Variants in ZFHX4 observed in about 807,000 individuals in gnomAD.
ZFHX4 encodes the protein zinc finger homeobox 4.
Under a neutral mutation model 267.6 loss-of-function variants are expected in ZFHX4, and 56 were observed. That is an observed-to-expected ratio of 0.21 (90% CI 0.17 to 0.26). ZFHX4 has a LOEUF of 0.26. Among genes scored for constraint, ZFHX4 ranks in the 10% least tolerant of loss-of-function variants. The pLI, the probability that ZFHX4 is intolerant of heterozygous loss-of-function variation, is 1.00. For missense variants in ZFHX4, 4,332 were observed against 4,420.0 expected (o/e 0.98, Z 0.56); for synonymous variants, 1,778 against 1,665.6 (o/e 1.07, Z -1.64).
Position 76,851,677 on chromosome 8 carries a change from A to G in ZFHX4, c.4756A>G (p.Ser1586Gly). 6.2e-7 allele frequency: 1 copy of G among 1,613,960 alleles called. No individual in the cohort carries two copies. Among genetic ancestry groups the G allele is most frequent in the Non-Finnish European group, 8.5e-7 (1 of 1,179,866 alleles). The part of the protein sequence containing the change: ...ASSPVPQETN[S>G]NTDNKPYKCS... The stretch of plus-strand genomic sequence containing the variant: ...CAGTCCTGTCCCACAAGAAACCAAC[A>G]GCAACACAGATAACAAACCCTACAA... Residue 1586 changes from serine to glycine, a missense_variant, in exon 10 of 11, where the codon AGC becomes GGC. Ser to Gly is a moderately conservative substitution (Grantham distance 56). This residue lies in a region of ZFHX4 where 1,371 missense variants were observed against 1,423.1 expected (regional missense o/e 0.96). Coordinates refer to ENST00000651372, the MANE Select transcript of ZFHX4 (RefSeq NM_024721.5).
intron 1 of ZFHX4, among the ~76,000 whole-genome samples, chr8:76,696,931 C>A (rs1255684721): frequency 6.6e-6 from 1 of 151,904 alleles, no homozygotes; most frequent in African/African-American, 2.4e-5. Flanking sequence ...ATATAACTTT[C>A]TTGAGTGAAA....
rs1219565964 is a variant in ZFHX4 at position 76,706,473 on chromosome 8, G to T, written c.2385G>T (p.Met795Ile). 1 of 1,614,054 alleles carries T rather than the reference G, an allele frequency of 6.2e-7. No individual in the cohort carries two copies. Among genetic ancestry groups the T allele is most frequent in the South Asian group, 1.1e-5 (1 of 91,060 alleles). The change falls in exon 2 of 11, where the codon ATG (methionine) becomes ATT (isoleucine). Residue 795 changes from methionine to isoleucine, a missense_variant. Physicochemically the swap from Met to Ile is conservative, Grantham distance 10. Coordinates refer to ENST00000651372, the MANE Select transcript of ZFHX4 (RefSeq NM_024721.5). ...HMTSEKHMHN[M>I]MLLQQNMKQI... ...CCAGCGAAAAGCACATGCATAATAT[G>T]ATGCTTTTGCAGCAGAACATGAAGC...
intron 4 of ZFHX4, among the ~76,000 whole-genome samples, chr8:76,793,352 TTTG>T (rs2131810206): frequency 6.6e-6 from 1 of 152,310 alleles, no homozygotes; most frequent in Admixed American, 6.5e-5. Flanking sequence ...GGTCTGTGCA[TTTG>T]TTGATTTATA....
chr8:76,757,429 C>G (rs1049667613), intron 3 of ZFHX4, among the ~76,000 whole-genome samples: 3 of 152,142 alleles, frequency 2.0e-5, no homozygotes, highest in African/African-American at 7.2e-5. Flanking sequence ...GTAGCTCCAC[C>G]ACAAAAGATC....
At chr8:76,756,468 C>T (rs73231797) in intron 3 of ZFHX4, among the ~76,000 whole-genome samples, 2,587 of 151,746 alleles carry the variant, frequency 0.017, 79 homozygotes, top group African/African-American at 0.057. Flanking sequence ...GAGGCTCATA[C>T]ATTGTAAAAG....
At chr8:76,770,848 T>A (rs1186338409) in intron 3 of ZFHX4, among the ~76,000 whole-genome samples, 1 of 152,084 alleles carries the variant, frequency 6.6e-6, no homozygotes, top group East Asian at 1.9e-4. Context: ...ACCTTACACT[T>A]GGAAGATCTA....
In ZFHX4 at chr8:76,705,501, T is replaced by C. The variant is rs775936557; in HGVS notation, c.1413T>C (p.Asp471=). 109 of 1,613,562 alleles carry C rather than the reference T, an allele frequency of 6.8e-5. No individual in the cohort carries two copies. The highest frequency in any genetic ancestry group is 9.1e-5 in the Non-Finnish European group (107 of 1,179,782). Residue 471 remains aspartate, a synonymous_variant, in exon 2 of 11, where the codon GAT becomes GAC. Coordinates refer to ENST00000651372, the MANE Select transcript of ZFHX4 (RefSeq NM_024721.5). Reference sequence around the variant, plus strand: ...AAAGTGAACCCACTGAACCGGGAGATGAGGATGAAGAAGATGCGTACTCCA... The same window carrying C: ...AAAGTGAACCCACTGAACCGGGAGACGAGGATGAAGAAGATGCGTACTCCA... The part of the protein sequence containing the change: ...PVKSEPTEPG[D]EDEEDAYSNE...
At chr8:76,713,651 C>T (rs1018328647) in intron 3 of ZFHX4, among the ~76,000 whole-genome samples, 2 of 152,158 alleles carry the variant, frequency 1.3e-5, no homozygotes, top group African/African-American at 4.8e-5. Flanking sequence ...CTATCTAATT[C>T]CCCACAGAAA....
At position 76,705,682 on chromosome 8, in the gene ZFHX4, G is replaced by T. The variant is rs758397904; in HGVS notation, c.1594G>T (p.Asp532Tyr). 6.2e-7 allele frequency: 1 copy of T among 1,613,980 alleles called. No individual in the cohort carries two copies. The highest frequency in any genetic ancestry group is 8.5e-7 in the Non-Finnish European group (1 of 1,179,898). ...TSSSSATVSD[D>Y]TEKKKQTAAV... The stretch of plus-strand genomic sequence containing the variant: ...GTCCTCCTCGGCGACTGTTTCTGAT[G>T]ACACAGAAAAGAAAAAACAGACTGC... The change falls in exon 2 of 11, where the codon GAC (aspartate) becomes TAC (tyrosine). Residue 532 changes from aspartate (D) to tyrosine (Y), a missense_variant. Asp to Tyr is a radical substitution (Grantham distance 160). This residue lies in a region of ZFHX4 where 1,195 missense variants were observed against 1,173.6 expected (regional missense o/e 1.02). Transcript: ENST00000651372.
At chr8:76,798,332 T>C (rs182060854) in intron 4 of ZFHX4, among the ~76,000 whole-genome samples, 308 of 152,304 alleles carry the variant, frequency 2.0e-3, no homozygotes, top group African/African-American at 7.0e-3. Context: ...CAAGTGAATT[T>C]GCTTGTAGCT....
intron 3 of ZFHX4, among the ~76,000 whole-genome samples, chr8:76,748,468 C>T (rs942018186): frequency 3.9e-5 from 6 of 152,158 alleles, no homozygotes; most frequent in East Asian, 1.9e-4. Flanking sequence ...GACAAGATCT[C>T]GCTGTCCTCA....
intron 3 of ZFHX4, among the ~76,000 whole-genome samples, chr8:76,742,186 T>C (rs188864902): frequency 6.6e-6 from 1 of 152,262 alleles, no homozygotes; most frequent in Non-Finnish European, 1.5e-5. Flanking sequence ...GGTGTAGATA[T>C]GCTTGTTGGG....
intron 4 of ZFHX4, among the ~76,000 whole-genome samples, chr8:76,806,464 A>T (rs2131836565): frequency 6.6e-6 from 1 of 152,192 alleles, no homozygotes; most frequent in East Asian, 1.9e-4. Flanking sequence ...ACACAGAAAA[A>T]ATATTAGCAA....
chr8:76,809,955 T>C (rs2131842684), intron 4 of ZFHX4, among the ~76,000 whole-genome samples: 1 of 152,314 alleles, frequency 6.6e-6, no homozygotes, highest in South Asian at 2.1e-4. Flanking sequence ...ATGCAAGTCC[T>C]ATCATTAAAC....
chr8:76,703,691 T>C (rs984570229), intron 1 of ZFHX4: 1 of 168,358 alleles, frequency 5.9e-6, no homozygotes, highest in South Asian at 1.6e-4. Context: ...GCTATTTACA[T>C]TCCTATTACT....
chr8:76,852,547 G>A lies in ZFHX4; in HGVS notation c.5626G>A (p.Gly1876Ser). Residue 1876 changes from glycine (G) to serine (S), a missense_variant, in exon 10 of 11, where the codon GGT (glycine) becomes AGT (serine). Physicochemically the swap from Gly to Ser is moderately conservative, Grantham distance 56. Around this residue, in one of 7 missense-constraint regions of ZFHX4, gnomAD observed 1,371 missense variants for 1,423.1 expected, o/e 0.96. Transcript: ENST00000651372. ...ACCAAAGCAGGAATTTATAAGTGAA[G>A]GTGAAGGACTCAAAGAAGGCAAAGA... Reference protein sequence around the residue: ...EKPKQEFISEGEGLKEGKDTK... With the variant: ...EKPKQEFISESEGLKEGKDTK... 6.2e-7 allele frequency: 1 copy of A among 1,610,768 alleles called. No individual in the cohort carries two copies.
Position 76,796,078 on chromosome 8 carries a change from G to T in ZFHX4, c.3325+17639G>T, listed in dbSNP as rs1810973471. Among the ~76,000 whole-genome samples, 3 of 152,108 alleles carry T rather than the reference G, an allele frequency of 2.0e-5. No homozygotes were observed. The South Asian group carries it at 6.2e-4, about 31-fold the overall frequency. On this transcript the variant is annotated intron_variant, in intron 4 of 10. Transcript: ENST00000651372. Reference sequence around the variant, plus strand: ...TATTAATTTATAGAAAGTATATTTGGGGATGGTTGTGGAATTGCCAAAGTC... The same window carrying T: ...TATTAATTTATAGAAAGTATATTTGTGGATGGTTGTGGAATTGCCAAAGTC...
chr8:76,812,244 T>C (rs1161152849), intron 4 of ZFHX4, among the ~76,000 whole-genome samples: 2 of 152,246 alleles, frequency 1.3e-5, no homozygotes, highest in Non-Finnish European at 2.9e-5. Flanking sequence ...TTTAAAAATC[T>C]AATTAAGTAA....
intron 3 of ZFHX4, among the ~76,000 whole-genome samples, chr8:76,715,090 T>C (rs1353975772): frequency 6.6e-6 from 1 of 152,194 alleles, no homozygotes; most frequent in East Asian, 1.9e-4. Flanking sequence ...TGGTGGGAAC[T>C]TGAGGGCAGG....
Sources: gnomAD v4.1 joint callset for allele counts (sites outside exome capture counted in the v4.1 genomes callset) on GRCh38, gnomAD v4.1.1 for gene constraint, gnomAD v4.1.1 regional missense constraint, MANE v1.5 for transcripts, NCBI Gene and HGNC (gene_info 2026-07-23, HGNC 2026-07-21) for gene names.